HIRA: variants seen among roughly 807,000 people sequenced by gnomAD.
HIRA encodes histone cell cycle regulator.
HIRA carries 13 observed loss-of-function variants against 126.6 expected under a neutral mutation model. That is an observed-to-expected ratio of 0.10 (90% confidence interval 0.07 to 0.16). The LOEUF is 0.16. HIRA is among the 10% of genes least tolerant of loss of function. HIRA has a pLI of 1.00. For missense variants in HIRA, 834 were observed against 1,314.4 expected (o/e 0.63, Z 5.65); for synonymous variants, 511 against 520.0 (o/e 0.98, Z 0.24).
intron 11 of HIRA, among the ~76,000 whole-genome samples, chr22:19,386,000 C>G (rs1160603077): frequency 6.6e-6 from 1 of 152,216 alleles, no homozygotes; most frequent in Admixed American, 6.5e-5. Flanking sequence ...CAAGACAACA[C>G]CTGCCCCACA....
At chr22:19,341,860 A>G (rs2088632802) in intron 24 of HIRA, among the ~76,000 whole-genome samples, 2 of 152,212 alleles carry the variant, frequency 1.3e-5, no homozygotes, top group South Asian at 4.1e-4. Context: ...AGAAGATAAC[A>G]TCGGAAAAAC....
chr22:19,363,189 G>A (rs1387878603), intron 15 of HIRA, among the ~76,000 whole-genome samples: 4 of 150,812 alleles, frequency 2.7e-5, no homozygotes, highest in South Asian at 4.2e-4. Context: ...AGTCAAGATC[G>A]TGCCACTGCA....
chr22:19,335,346 G>C (rs2146163766), intron 24 of HIRA, among the ~76,000 whole-genome samples: 1 of 152,078 alleles, frequency 6.6e-6, no homozygotes, highest in African/African-American at 2.4e-5. Context: ...TCAGGTTCAA[G>C]CAATTCTTGT....
chr22:19,387,937 C>T (rs1216200974), intron 10 of HIRA, 121 bp from the exon 11 acceptor site: 3 of 196,230 alleles, frequency 1.5e-5, no homozygotes, highest in African/African-American at 4.8e-5. Context: ...ACTCCTGGTT[C>T]CCTTCTGTGG....
intron 24 of HIRA, among the ~76,000 whole-genome samples, chr22:19,334,217 C>T (rs1424566529): frequency 4.0e-5 from 6 of 151,540 alleles, no homozygotes; most frequent in South Asian, 2.1e-4. Context: ...CCTTGTGATC[C>T]GCCCGCCTTG....
chr22:19,376,247 T>A (rs1045984382), intron 14 of HIRA, among the ~76,000 whole-genome samples: 1 of 152,178 alleles, frequency 6.6e-6, no homozygotes, highest in African/African-American at 2.4e-5. Context: ...GCATCCTCCA[T>A]CCTGAGCGGC....
chr22:19,355,477 G>A (rs1442687641), intron 21 of HIRA, among the ~76,000 whole-genome samples: 1 of 152,188 alleles, frequency 6.6e-6, no homozygotes, highest in Non-Finnish European at 1.5e-5. Context: ...GGGGGCCACA[G>A]CAAAAACCAT....
intron 15 of HIRA, among the ~76,000 whole-genome samples, chr22:19,367,575 C>G (rs1292305411): frequency 6.6e-6 from 1 of 152,150 alleles, no homozygotes; most frequent in Non-Finnish European, 1.5e-5. Context: ...CCATGTTGGC[C>G]AGGGTGGTCT....
At chr22:19,420,946 T>G in intron 1 of HIRA, among the ~76,000 whole-genome samples, 1 of 152,214 alleles carries the variant, frequency 6.6e-6, no homozygotes, top group East Asian at 1.9e-4. Flanking sequence ...AAAAATCTGC[T>G]AGCTCAACAA....
chr22:19,336,645 CT>C (rs1298229034), intron 24 of HIRA, among the ~76,000 whole-genome samples: 1 of 152,254 alleles, frequency 6.6e-6, no homozygotes, highest in Non-Finnish European at 1.5e-5. Context: ...CGCCATTCCC[CT>C]GGCACCACCA....
chr22:19,337,121 G>C (rs2088575311), intron 24 of HIRA, among the ~76,000 whole-genome samples: 1 of 151,248 alleles, frequency 6.6e-6, no homozygotes, highest in African/African-American at 2.4e-5. Context: ...TTTTGAGACA[G>C]GGTCTCGCTC....
At chr22:19,333,349 T>C (rs2088517494) in intron 24 of HIRA, among the ~76,000 whole-genome samples, 1 of 151,930 alleles carries the variant, frequency 6.6e-6, no homozygotes, top group Non-Finnish European at 1.5e-5. Flanking sequence ...ATGATTACTA[T>C]CAACTTTATG....
chr22:19,357,026 T>C lies in HIRA; in HGVS notation c.2260A>G (p.Lys754Glu). The C allele has an allele frequency of 6.2e-7, 1 of 1,614,060 alleles. No homozygotes were observed. Among genetic ancestry groups the C allele is most frequent in the African/African-American group, 1.3e-5 (1 of 75,038 alleles). The change falls in exon 19 of 25, where the codon AAA becomes GAA. Residue 754 changes from lysine (K) to glutamate (E), a missense_variant. Transcript: ENST00000263208. The stretch of plus-strand genomic sequence containing the variant: ...GTGGAGAACACTGACAGCATCCTTT[T>C]TTCACAGGCGACACACACCACGTCA... ...SCDVVCVACEKRMLSVFSTCG... is the reference protein window; with the variant it reads ...SCDVVCVACEERMLSVFSTCG...
chr22:19,396,648 G>T, intron 7 of HIRA, 139 bp downstream of exon 7: 2 of 757,620 alleles, frequency 2.6e-6, no homozygotes, highest in Admixed American at 2.3e-5. Context: ...AGAGAGCCTT[G>T]GTGAATCCGC....
chr22:19,376,756 T>A (rs1461140070), intron 14 of HIRA, among the ~76,000 whole-genome samples: 1 of 152,146 alleles, frequency 6.6e-6, no homozygotes, highest in South Asian at 2.1e-4. Context: ...GAGGCTGAAG[T>A]AACATAAGAC....
chr22:19,417,167 T>A (rs761152647), intron 1 of HIRA, among the ~76,000 whole-genome samples: 4 of 151,900 alleles, frequency 2.6e-5, no homozygotes, highest in Non-Finnish European at 5.9e-5. Flanking sequence ...GCCATTGCAC[T>A]CCAGCCTGGG....
rs1280261537 is a variant in HIRA, at chr22:19,398,101, G to C, written c.398-14C>G. The C allele has an allele frequency of 3.7e-6, 6 of 1,605,284 alleles. No individual in the cohort carries two copies. In the Admixed American group the frequency reaches 6.7e-5, roughly 18 times the overall value. ...CATCCATCACATCTGAAAGAAGACAGAGGGTTCTGGTGAGATCTCTTACCT... is the reference window on the plus strand; with the variant it reads ...CATCCATCACATCTGAAAGAAGACACAGGGTTCTGGTGAGATCTCTTACCT... On this transcript the variant is annotated splice_polypyrimidine_tract_variant and intron_variant, in intron 5 of 24. Transcript: ENST00000263208.
At chr22:19,355,000 T>A (rs191608514) in intron 21 of HIRA, among the ~76,000 whole-genome samples, 1 of 152,102 alleles carries the variant, frequency 6.6e-6, no homozygotes, top group East Asian at 1.9e-4. Context: ...CTCAAACTCA[T>A]GGGATCAAGC....
At chr22:19,352,017 T>C (rs532844213) in intron 23 of HIRA, among the ~76,000 whole-genome samples, 2 of 151,496 alleles carry the variant, frequency 1.3e-5, no homozygotes, top group East Asian at 1.9e-4. Context: ...GCTAAAGCAA[T>C]AGGGAATGGA....
Sources: allele counts gnomAD v4.1 joint callset (sites outside exome capture counted in the v4.1 genomes callset), GRCh38; gene constraint gnomAD v4.1.1; transcripts MANE v1.5; gene names NCBI Gene and HGNC (gene_info 2026-07-23, HGNC 2026-07-21).